The following FSIP2 variants were observed in gnomAD, a reference collection of about 807,000 sequenced individuals.
FSIP2 encodes fibrous sheath-interacting protein 2.
In FSIP2, 367 loss-of-function variants were observed where a neutral mutation model predicts 510.5. The observed-to-expected ratio is 0.72, with a 90% CI of 0.66 to 0.78. The LOEUF is 0.78. FSIP2 is among the 30% of genes least tolerant of loss of function. The pLI, the probability that FSIP2 is intolerant of heterozygous loss-of-function variation, is 0.00. For missense variants in FSIP2, 7,594 were observed against 7,901.7 expected (o/e 0.96, Z 1.48); for synonymous variants, 2,601 against 2,732.2 (o/e 0.95, Z 1.50).
chr2:185,796,378 A>G lies in FSIP2; in HGVS notation c.9242A>G (p.Tyr3081Cys). The G allele has an allele frequency of 2.0e-6, 3 of 1,533,732 alleles. No individual in the cohort carries two copies. The highest frequency in any genetic ancestry group is 2.6e-6 in the Non-Finnish European group (3 of 1,145,206). ...TCATTCCATTCACAATTACTTACAT[A>G]TGCTGTTAATATCATCAGTGACATG... ...VHSFHSQLLT[Y>C]AVNIISDMLA... Residue 3081 changes from tyrosine to cysteine, a missense_variant, in exon 16 of 23, where the codon TAT becomes TGT. Transcript: ENST00000424728.
At position 185,793,317 on chromosome 2, in the gene FSIP2, G is replaced by C. The variant is rs1183324185; in HGVS notation, c.6181G>C (p.Asp2061His). The stretch of plus-strand genomic sequence containing the variant: ...AGGCAAATGTGACAAAAACAGTTCT[G>C]ACAAAGAGATCGATTTAGATCAGCA... ...RKGKCDKNSS[D>H]KEIDLDQQKG... Residue 2061 changes from aspartate to histidine, a missense_variant, in exon 16 of 23, where the codon GAC (aspartate) becomes CAC (histidine). Coordinates refer to ENST00000424728, the MANE Select transcript of FSIP2 (RefSeq NM_173651.4). The C allele has an allele frequency of 1.3e-6, 2 of 1,534,150 alleles. No individual in the cohort carries two copies. Among genetic ancestry groups the C allele is most frequent in the Admixed American group, 3.9e-5 (2 of 50,854 alleles).
Position 185,806,365 on chromosome 2 carries a change from G to A in FSIP2, c.17059G>A (p.Asp5687Asn). The A allele has an allele frequency of 6.2e-7, 1 of 1,610,694 alleles. No individual in the cohort carries two copies. Among genetic ancestry groups the A allele is most frequent in the African/African-American group, 1.3e-5 (1 of 74,804 alleles). Residue 5687 changes from aspartate to asparagine, a missense_variant, in exon 17 of 23, where the codon GAT becomes AAT. Physicochemically the swap from Asp to Asn is conservative, Grantham distance 23. Transcript: ENST00000424728. ...VQNVIENIFEDVLELSSSPEP... is the reference protein window; with the variant it reads ...VQNVIENIFENVLELSSSPEP... ...AAATGTCATTGAAAATATTTTTGAA[G>A]ATGTTTTAGAACTATCTTCTTCTCC...
Position 185,789,247 on chromosome 2 carries a change from C to A in FSIP2, c.2111C>A (p.Thr704Asn). 2 of 1,534,472 alleles carry A rather than the reference C, an allele frequency of 1.3e-6. No individual in the cohort carries two copies. Among genetic ancestry groups the A allele is most frequent in the Non-Finnish European group, 1.7e-6 (2 of 1,145,856 alleles). ...VNFKCYLKGE[T>N]EVILESILRE... ...TTTAAATGTTACTTGAAAGGGGAAA[C>A]TGAAGTGATTTTAGAAAGCATTTTG... is the stretch of plus-strand genomic sequence containing the variant. The change falls in exon 16 of 23, where the codon ACT becomes AAT. Residue 704 changes from threonine (T) to asparagine (N), a missense_variant. By Grantham distance (65) the Thr-to-Asn change is moderately conservative (BLOSUM62 0). Coordinates refer to ENST00000424728, the MANE Select transcript of FSIP2 (RefSeq NM_173651.4).
In FSIP2 at chr2:185,804,630, A is replaced by G; in HGVS notation, c.15324A>G (p.Pro5108=). ...IITKDSHALP[P]YITVLPHSLL... is the part of the protein sequence containing the mutation. ...CAAAGGATAGCCATGCCTTGCCACC[A>G]TATATTACTGTGTTGCCTCATTCTC... Residue 5108 remains proline (P), a synonymous_variant, in exon 17 of 23, where the codon CCA becomes CCG. Coordinates refer to ENST00000424728, the MANE Select transcript of FSIP2 (RefSeq NM_173651.4). The G allele has an allele frequency of 6.5e-7, 1 of 1,533,340 alleles. No individual in the cohort carries two copies. The highest frequency in any genetic ancestry group is 8.7e-7 in the Non-Finnish European group (1 of 1,144,934). 95.0% of individuals were successfully genotyped at this position (1,533,340 alleles called of 1,614,324 possible).
chr2:185,790,847 C>G lies in FSIP2; in HGVS notation c.3711C>G (p.Asp1237Glu). The G allele has an allele frequency of 6.5e-7, 1 of 1,532,722 alleles. No homozygotes were observed. Among genetic ancestry groups the G allele is most frequent in the Non-Finnish European group, 8.7e-7 (1 of 1,144,730 alleles). 94.9% of individuals were successfully genotyped at this position (1,532,722 alleles called of 1,614,324 possible). The part of the protein sequence containing the change: ...EKKMKYLSLF[D>E]VDPEKPPWLK... Reference sequence around the variant, plus strand: ...AAATGAAATATTTATCTTTATTTGACGTTGATCCTGAAAAGCCTCCCTGGT... The same window carrying G: ...AAATGAAATATTTATCTTTATTTGAGGTTGATCCTGAAAAGCCTCCCTGGT... Residue 1237 changes from aspartate (D) to glutamate (E), a missense_variant, in exon 16 of 23, where the codon GAC (aspartate) becomes GAG (glutamate). Asp to Glu is a conservative substitution (Grantham distance 45). Transcript: ENST00000424728.
chr2:185,778,326 G>T (rs895596049), intron 13 of FSIP2, among the ~76,000 whole-genome samples: 1 of 151,948 alleles, frequency 6.6e-6, no homozygotes, highest in Non-Finnish European at 1.5e-5. Context: ...TAATACATAT[G>T]ATGATTGTTA....
chr2:185,808,549 A>T lies in FSIP2; in HGVS notation c.19243A>T (p.Thr6415Ser), dbSNP rs1163770218. Residue 6415 changes from threonine to serine, a missense_variant, in exon 17 of 23, where the codon ACA becomes TCA. Physicochemically the swap from Thr to Ser is moderately conservative, Grantham distance 58. Coordinates refer to ENST00000424728, the MANE Select transcript of FSIP2 (RefSeq NM_173651.4). ...PEEHCLNPEN[T>S]ERIYQVVDSV... ...AGAGCACTGTTTAAATCCAGAAAAT[A>T]CAGAAAGGATTTATCAGGTTGTCGA... 1.2e-6 allele frequency: 2 copies of T among 1,612,648 alleles called. No individual in the cohort carries two copies. The highest frequency in any genetic ancestry group is 4.5e-5 in the East Asian group (2 of 44,716).
Position 185,791,728 on chromosome 2 carries a change from C to T in FSIP2, c.4592C>T (p.Ala1531Val), listed in dbSNP as rs968934200. The T allele has an allele frequency of 1.7e-5, 26 of 1,534,256 alleles. No homozygotes were observed. The highest frequency in any genetic ancestry group is 1.7e-5 in the Non-Finnish European group (19 of 1,145,620). ...PSFASIIEKM[A>V]KSTKIISSIV... ...TTTGCTTCAATTATTGAGAAAATGG[C>T]CAAATCCACCAAAATAATCTCCAGC... is the stretch of plus-strand genomic sequence containing the variant. The change falls in exon 16 of 23, where the codon GCC becomes GTC. Residue 1531 changes from alanine (A) to valine (V), a missense_variant. By Grantham distance (64) the Ala-to-Val change is moderately conservative. Transcript: ENST00000424728.
chr2:185,738,590 C>T (rs1488531502), upstream of FSIP2: 1 of 1,534,674 alleles, frequency 6.5e-7, no homozygotes, highest in African/African-American at 1.4e-5. Flanking sequence ...TATACGTTTT[C>T]GTTAGGATTG....
At position 185,794,079 on chromosome 2, in the gene FSIP2, T is replaced by C; in HGVS notation, c.6943T>C (p.Ser2315Pro). 1 of 1,530,792 alleles carries C rather than the reference T, an allele frequency of 6.5e-7. No homozygotes were observed. Among genetic ancestry groups the C allele is most frequent in the Non-Finnish European group, 8.7e-7 (1 of 1,143,384 alleles). The allele number at this position is 1,530,792 out of a possible 1,614,324, so 94.8% of individuals were successfully genotyped here. A position where few individuals can be genotyped will look rare whatever the true frequency, so the allele number is the denominator to read the frequency against. ...VESDVNVLKI[S>P]ATETILSQEL... ...ATCAGATGTAAATGTCCTGAAAATA[T>C]CAGCAACTGAAACCATTCTCAGCCA... The change falls in exon 16 of 23, where the codon TCA becomes CCA. Residue 2315 changes from serine (S) to proline (P), a missense_variant. Physicochemically the swap from Ser to Pro is moderately conservative, Grantham distance 74 (BLOSUM62 -1). Transcript: ENST00000424728.
chr2:185,789,045 T>C lies in FSIP2; in HGVS notation c.1909T>C (p.Tyr637His), dbSNP rs1693055431. Residue 637 changes from tyrosine to histidine, a missense_variant, in exon 16 of 23, where the codon TAC becomes CAC. By Grantham distance (83) the Tyr-to-His change is moderately conservative (BLOSUM62 2). Transcript: ENST00000424728. ...TAATAAAACCAACTTGCTATATTCA[T>C]ACCCTAAGCTCAGAAGTTGTAAATC... ...KYNKTNLLYS[Y>H]PKLRSCKSDS... 6.5e-7 allele frequency: 1 copy of C among 1,534,262 alleles called. No homozygotes were observed. The highest frequency in any genetic ancestry group is 8.7e-7 in the Non-Finnish European group (1 of 1,145,536).
Position 185,812,928 on chromosome 2 carries a change from T to G in FSIP2, c.19828-617T>G, listed in dbSNP as rs2105665565. 2.0e-5 allele frequency among the ~76,000 whole-genome samples: 3 copies of G among 152,176 alleles called. 1 individual carries two copies. In the South Asian group the frequency reaches 6.2e-4, roughly 32 times the overall value. On this transcript the variant is annotated intron_variant, in intron 17 of 22. Transcript: ENST00000424728. ...TAGAGAAATGGGGAAATTCTGTTAT[T>G]TAATTATAATTGTCTTTTCTTTGAT...
intron 7 of FSIP2, among the ~76,000 whole-genome samples, chr2:185,752,394 A>T (rs550358049): frequency 1.3e-5 from 2 of 151,160 alleles, no homozygotes; most frequent in Non-Finnish European, 3.0e-5. Flanking sequence ...TTTGATTATT[A>T]TGACTTGGTG....
chr2:185,742,005 T>C (rs2105526472), intron 2 of FSIP2, among the ~76,000 whole-genome samples: 1 of 152,194 alleles, frequency 6.6e-6, no homozygotes, highest in Admixed American at 6.5e-5. Flanking sequence ...CTTAGTGTTG[T>C]TGTGGTAGTA....
rs1693408717 is a variant in FSIP2 at position 185,800,553 on chromosome 2, A to G, written c.11247A>G (p.Ser3749=). The G allele has an allele frequency of 6.5e-7, 1 of 1,528,042 alleles. No homozygotes were observed. Among genetic ancestry groups the G allele is most frequent in the African/African-American group, 1.4e-5 (1 of 72,494 alleles). 94.7% of individuals were successfully genotyped at this position (1,528,042 alleles called of 1,614,324 possible). The part of the protein sequence containing the change: ...LTNNLQLSSK[S]VFLLNVVCEK... Reference sequence around the variant, plus strand: ...ATAACCTACAGCTCTCCTCAAAATCAGTTTTTCTTCTCAATGTTGTATGTG... The same window carrying G: ...ATAACCTACAGCTCTCCTCAAAATCGGTTTTTCTTCTCAATGTTGTATGTG... Residue 3749 remains serine, a synonymous_variant, in exon 17 of 23, where the codon TCA becomes TCG. Transcript: ENST00000424728.
intron 6 of FSIP2, 37 bp from the exon 7 acceptor site, chr2:185,747,276 G>A (rs946692934): frequency 8.9e-7 from 1 of 1,122,444 alleles, no homozygotes. Context: ...GTTGTGAAAG[G>A]CACACACACC....
At chr2:185,777,124 A>G (rs1229920807) in intron 13 of FSIP2, among the ~76,000 whole-genome samples, 4 of 152,184 alleles carry the variant, frequency 2.6e-5, no homozygotes, top group African/African-American at 9.7e-5. Flanking sequence ...TACATAATGA[A>G]TAGGCATGGC....
chr2:185,795,780 C>T lies in FSIP2; in HGVS notation c.8644C>T (p.Leu2882Phe), dbSNP rs775765605. 2.0e-6 allele frequency: 3 copies of T among 1,533,698 alleles called. No individual in the cohort carries two copies. The highest frequency in any genetic ancestry group is 1.2e-5 in the South Asian group (1 of 83,928). ...AAAAGAATTAGAATATTCTCTTTCA[C>T]TTTTAAATTTGCCCCCTCTTGAGAA... Reference protein sequence around the residue: ...KAKELEYSLSLLNLPPLENCE... With the variant: ...KAKELEYSLSFLNLPPLENCE... The change falls in exon 16 of 23, where the codon CTT (leucine) becomes TTT (phenylalanine). Residue 2882 changes from leucine (L) to phenylalanine (F), a missense_variant. Physicochemically the swap from Leu to Phe is conservative, Grantham distance 22. Coordinates refer to ENST00000424728, the MANE Select transcript of FSIP2 (RefSeq NM_173651.4).
chr2:185,764,647 G>A (rs1692426792), intron 13 of FSIP2, 82 bp downstream of exon 13: 8 of 957,570 alleles, frequency 8.4e-6, no homozygotes, highest in African/African-American at 1.6e-5. Context: ...TTTGCTTCAT[G>A]TTAGATATGG....
Sources: gnomAD v4.1 joint callset for allele counts (sites outside exome capture counted in the v4.1 genomes callset) on GRCh38, gnomAD v4.1.1 for gene constraint, MANE v1.5 for transcripts, NCBI Gene and HGNC (gene_info 2026-07-23, HGNC 2026-07-21) for gene names.